The following IMMT variants were observed in gnomAD, a reference collection of about 807,000 sequenced individuals.
IMMT encodes the protein MICOS complex subunit MIC60.
Under a neutral mutation model 92.7 loss-of-function variants are expected in IMMT, and 40 were observed. That is an observed-to-expected ratio of 0.43 (90% CI 0.34 to 0.56). The LOEUF is 0.56. Among genes scored for constraint, IMMT ranks in the 20% least tolerant of loss-of-function variants. The pLI is 0.03. For missense variants in IMMT, 831 were observed against 912.1 expected (o/e 0.91, Z 1.14); for synonymous variants, 322 against 336.1 (o/e 0.96, Z 0.46).
At chr2:86,176,371 TTC>T (rs1558833212) in intron 3 of IMMT, among the ~76,000 whole-genome samples, 1 of 152,172 alleles carries the variant, frequency 6.6e-6, no homozygotes, top group Non-Finnish European at 1.5e-5. Context: ...ATGACCCAGA[TTC>T]TGTTAGGAGG....
Position 86,158,699 on chromosome 2 carries a change from G to A in IMMT, c.1055C>T (p.Ala352Val), listed in dbSNP as rs1676042881. The A allele has an allele frequency of 1.2e-6, 2 of 1,606,618 alleles. No homozygotes were observed. The highest frequency in any genetic ancestry group is 1.7e-4 in the Middle Eastern group (1 of 6,054). ...VKKVQAAQSE[A>V]KVVSQYHELV... ...CTCATGATACTGAGATACAACCTTAGCCTCAGACTGAGCTGCTTGGACCTG... is the reference window on the plus strand; with the variant it reads ...CTCATGATACTGAGATACAACCTTAACCTCAGACTGAGCTGCTTGGACCTG... Residue 352 changes from alanine (A) to valine (V), a missense_variant, in exon 10 of 15, where the codon GCT becomes GTT. Transcript: ENST00000410111.
At chr2:86,149,723 C>T (rs1675319608) in intron 12 of IMMT, among the ~76,000 whole-genome samples, 1 of 151,916 alleles carries the variant, frequency 6.6e-6, no homozygotes, top group Non-Finnish European at 1.5e-5. Flanking sequence ...ACTAAAAATA[C>T]AAAAATTAGC....
At chr2:86,150,917 AGTATT>A (rs1391749757) in intron 12 of IMMT, among the ~76,000 whole-genome samples, 2 of 128,270 alleles carry the variant, frequency 1.6e-5, no homozygotes, top group Non-Finnish European at 3.4e-5. Flanking sequence ...AATGACTGTC[AGTATT>A]TTTTTTTTTT....
intron 5 of IMMT, 72 bp downstream of exon 5, chr2:86,171,136 T>G: frequency 7.7e-7 from 1 of 1,304,398 alleles, no homozygotes; most frequent in Non-Finnish European, 1.1e-6. Flanking sequence ...AGTGTCTACG[T>G]GTTGCCTAGG....
intron 10 of IMMT, among the ~76,000 whole-genome samples, chr2:86,155,468 T>C (rs1201107929): frequency 6.6e-6 from 1 of 152,242 alleles, no homozygotes; most frequent in Non-Finnish European, 1.5e-5. Context: ...ATCTATGTAA[T>C]TGGGATAATA....
chr2:86,156,764 CAAAT>C lies in IMMT; in HGVS notation c.1162+1824_1162+1827del, dbSNP rs1675886179. On this transcript the variant is annotated intron_variant, in intron 10 of 14. Transcript: ENST00000410111. Reference sequence around the variant, plus strand: ...GTTGATGCTCGTATCTAACTCTCCACAAATAAAATTTGTCCTGCCCTGTCAACCT... The same window carrying C: ...GTTGATGCTCGTATCTAACTCTCCACAAAATTTGTCCTGCCCTGTCAACCT... 3.3e-5 allele frequency among the ~76,000 whole-genome samples: 5 copies of C among 152,222 alleles called. No individual in the cohort carries two copies. The South Asian group carries it at 8.3e-4, about 25-fold the overall frequency.
intron 3 of IMMT, among the ~76,000 whole-genome samples, chr2:86,175,351 T>A (rs968641261): frequency 1.3e-5 from 2 of 152,134 alleles, no homozygotes; most frequent in Non-Finnish European, 2.9e-5. Flanking sequence ...ACATCATTTC[T>A]CTCTAATATA....
intron 8 of IMMT, among the ~76,000 whole-genome samples, chr2:86,160,333 G>A (rs775166712): frequency 5.3e-5 from 8 of 152,172 alleles, no homozygotes; most frequent in Non-Finnish European, 8.8e-5. Context: ...AGCAGCTCTT[G>A]CAAGGATCAA....
At chr2:86,150,564 C>T (rs1675392337) in intron 12 of IMMT, among the ~76,000 whole-genome samples, 1 of 152,174 alleles carries the variant, frequency 6.6e-6, no homozygotes, top group African/African-American at 2.4e-5. Context: ...CTGTGGACAC[C>T]TATTTAATAA....
At chr2:86,160,973 T>C (rs1051681920) in intron 8 of IMMT, among the ~76,000 whole-genome samples, 1 of 152,106 alleles carries the variant, frequency 6.6e-6, no homozygotes, top group Non-Finnish European at 1.5e-5. Flanking sequence ...TGGTGGCTCA[T>C]GCCAGTCCCA....
Position 86,162,341 on chromosome 2 carries a change from G to GTT in IMMT, c.793-264_793-263dup, listed in dbSNP as rs572177860. ...ATATAAGCATTTTCTAAGGAGAGTT[G>GTT]TTTTTTTTTTTTTTTAAGATTCTCA... On this transcript the variant is annotated intron_variant, in intron 7 of 14. Coordinates refer to ENST00000410111, the MANE Select transcript of IMMT (RefSeq NM_006839.3). Among the ~76,000 whole-genome samples, 742 of 140,196 alleles carry GTT rather than the reference G, an allele frequency of 5.3e-3. 8 individuals carry two copies. The highest frequency in any genetic ancestry group is 0.042 in the South Asian group (182 of 4,374). The allele number at this position is 140,196 out of a possible 152,430, so 92.0% of individuals were successfully genotyped here.
At chr2:86,186,489 C>T (rs1672779971) in intron 1 of IMMT, among the ~76,000 whole-genome samples, 1 of 152,196 alleles carries the variant, frequency 6.6e-6, no homozygotes, top group South Asian at 2.1e-4. Flanking sequence ...CTCTGTAACT[C>T]CTGAGACTAA....
intron 13 of IMMT, 83 bp from the exon 14 acceptor site, chr2:86,146,280 G>A (rs1675002714): frequency 7.9e-7 from 1 of 1,269,092 alleles, no homozygotes; most frequent in Admixed American, 2.1e-5. Flanking sequence ...GCAACTACTT[G>A]CTGAAGCAAA....
intron 10 of IMMT, among the ~76,000 whole-genome samples, chr2:86,157,206 T>C (rs1347628763): frequency 6.6e-6 from 1 of 152,214 alleles, no homozygotes; most frequent in Non-Finnish European, 1.5e-5. Context: ...TCATAAATCA[T>C]ACTGTCACTT....
chr2:86,153,442 T>G, intron 11 of IMMT, 118 bp downstream of exon 11: 1 of 542,556 alleles, frequency 1.8e-6, no homozygotes, highest in East Asian at 3.5e-5. Flanking sequence ...TGTGACATAA[T>G]TCTACTTTAT....
At chr2:86,146,498 G>A (rs1403584630) in intron 13 of IMMT, among the ~76,000 whole-genome samples, 2 of 151,484 alleles carry the variant, frequency 1.3e-5, no homozygotes, top group Non-Finnish European at 1.5e-5. Flanking sequence ...AGCCTCCCAA[G>A]TAGCTGGGAT....
chr2:86,170,633 G>A (rs1358018374), intron 6 of IMMT, 116 bp downstream of exon 6: 11 of 662,696 alleles, frequency 1.7e-5, no homozygotes, highest in East Asian at 8.3e-5. Flanking sequence ...AAAAACAACC[G>A]CAGCAACAAA....
Position 86,153,591 on chromosome 2 carries a change from A to G in IMMT, c.1163-17T>C. 6.9e-7 allele frequency: 1 copy of G among 1,443,374 alleles called. No individual in the cohort carries two copies. The highest frequency in any genetic ancestry group is 2.5e-5 in the East Asian group (1 of 40,626). The allele number at this position is 1,443,374 out of a possible 1,614,324, so 89.4% of individuals were successfully genotyped here. A position where few individuals can be genotyped will look rare whatever the true frequency, so the allele number is the denominator to read the frequency against. Reference sequence around the variant, plus strand: ...CTGAAACACCTACAAAGGAAAAAATAGAACAGTTTGAAAAAAAAGAATGCA... The same window carrying G: ...CTGAAACACCTACAAAGGAAAAAATGGAACAGTTTGAAAAAAAAGAATGCA... On this transcript the variant is annotated splice_polypyrimidine_tract_variant and intron_variant, in intron 10 of 14. Transcript: ENST00000410111.
intron 7 of IMMT, among the ~76,000 whole-genome samples, chr2:86,162,458 G>A (rs1171853103): frequency 1.3e-5 from 2 of 151,344 alleles, no homozygotes; most frequent in Non-Finnish European, 2.9e-5. Context: ...TTACTCTAAG[G>A]AATTATTCTT....
Sources: gnomAD v4.1 joint callset for allele counts (sites outside exome capture counted in the v4.1 genomes callset) on GRCh38, gnomAD v4.1.1 for gene constraint, MANE v1.5 for transcripts, NCBI Gene and HGNC (gene_info 2026-07-23, HGNC 2026-07-21) for gene names.